MYPN: variants seen among roughly 807,000 people sequenced by gnomAD.
MYPN encodes sarcomeric protein myopalladin, 145 kDa (MYOP).
MYPN carries 63 observed loss-of-function variants against 129.4 expected under a neutral mutation model. The ratio of observed to expected loss-of-function variants is 0.49; its 90% CI spans 0.40 to 0.60. The LOEUF (loss-of-function observed/expected upper bound fraction) is 0.60. MYPN is among the 20% of genes least tolerant of loss of function. The pLI is 0.00. For missense variants in MYPN, 1,596 were observed against 1,635.4 expected (o/e 0.98, Z 0.42); for synonymous variants, 629 against 600.9 (o/e 1.05, Z -0.68).
intron 7 of MYPN, among the ~76,000 whole-genome samples, chr10:68,161,023 G>T (rs955387320): frequency 3.9e-5 from 6 of 152,174 alleles, no homozygotes. Flanking sequence ...GGATATCAGA[G>T]CCCAAAGCCA....
chr10:68,129,135 T>C (rs1463363272), intron 2 of MYPN, among the ~76,000 whole-genome samples: 1 of 152,036 alleles, frequency 6.6e-6, no homozygotes, highest in Non-Finnish European at 1.5e-5. Flanking sequence ...ACAGGCAAAT[T>C]CACAGGCCAC....
chr10:68,154,666 A>C (rs1233817037), intron 6 of MYPN, among the ~76,000 whole-genome samples: 1 of 152,244 alleles, frequency 6.6e-6, no homozygotes, highest in Non-Finnish European at 1.5e-5. Flanking sequence ...CCAAGGTGCA[A>C]AATTATCAAC....
At chr10:68,088,858 A>G (rs1159306249) in intron 1 of MYPN, among the ~76,000 whole-genome samples, 2 of 152,224 alleles carry the variant, frequency 1.3e-5, no homozygotes, top group East Asian at 3.8e-4. Context: ...AAACAATTTT[A>G]GAACATTTGT....
intron 5 of MYPN, among the ~76,000 whole-genome samples, chr10:68,149,672 C>G (rs149256457): frequency 1.3e-5 from 2 of 152,190 alleles, no homozygotes; most frequent in African/African-American, 4.8e-5. Flanking sequence ...AATTATCCAA[C>G]CCATTTAGTA....
At position 68,128,366 on chromosome 10, in the gene MYPN, T is replaced by C. The variant is rs1188212301; in HGVS notation, c.902+6026T>C. ...CTGCTATGGCTGTTAAGTTTTGTTA[T>C]TGCTGCTTCTAGACATTTGTCTACA... On this transcript the variant is annotated intron_variant, in intron 2 of 19. Transcript: ENST00000358913. 2.6e-5 allele frequency among the ~76,000 whole-genome samples: 4 copies of C among 152,236 alleles called. No homozygotes were observed. In the East Asian group the frequency reaches 5.8e-4, roughly 22 times the overall value.
At chr10:68,091,393 C>CTTTT (rs11301512) in intron 1 of MYPN, among the ~76,000 whole-genome samples, 10 of 106,756 alleles carry the variant, frequency 9.4e-5, no homozygotes, top group Non-Finnish European at 1.8e-4. Flanking sequence ...GACTACAGCC[C>CTTTT]TTTTTTTTTT....
chr10:68,180,994 A>T (rs2043305045), intron 12 of MYPN, among the ~76,000 whole-genome samples: 1 of 152,208 alleles, frequency 6.6e-6, no homozygotes, highest in African/African-American at 2.4e-5. Context: ...TTCCTTTCAT[A>T]AAGCAACTCT....
intron 8 of MYPN, among the ~76,000 whole-genome samples, chr10:68,163,534 C>T (rs776992901): frequency 2.1e-4 from 32 of 151,630 alleles, no homozygotes; most frequent in South Asian, 4.2e-4. Flanking sequence ...GAGGCTGAGG[C>T]GAGAGAATGG....
chr10:68,185,056 A>G (rs2043398742), intron 12 of MYPN, among the ~76,000 whole-genome samples: 1 of 151,776 alleles, frequency 6.6e-6, no homozygotes, highest in African/African-American at 2.4e-5. Flanking sequence ...TGTAATCCCA[A>G]CACTTTGGGA....
rs771242756 is a variant in MYPN, at chr10:68,197,495, A to G, written c.3285+17A>G. ...GACTGTAAGGTAGACTCCAGCACCCATGCTTAGTTCCAGATCTGTTCATAT... is the reference window on the plus strand; with the variant it reads ...GACTGTAAGGTAGACTCCAGCACCCGTGCTTAGTTCCAGATCTGTTCATAT... On this transcript the variant is annotated intron_variant, in intron 16 of 19. Transcript: ENST00000358913. 14 of 1,612,396 alleles carry G rather than the reference A, an allele frequency of 8.7e-6. No individual in the cohort carries two copies. The East Asian group carries it at 3.1e-4, about 36-fold the overall frequency.
chr10:68,210,075 C>T (rs1398769073), intron 19 of MYPN, among the ~76,000 whole-genome samples: 2 of 152,142 alleles, frequency 1.3e-5, no homozygotes, highest in Admixed American at 1.3e-4. Flanking sequence ...GAATTAGGGG[C>T]TTAAGATATC....
At chr10:68,148,317 G>T in intron 4 of MYPN, 36 bp from the exon 5 acceptor site, 1 of 1,466,870 alleles carries the variant, frequency 6.8e-7, no homozygotes, top group Non-Finnish European at 9.5e-7. Flanking sequence ...AGAGTGATAG[G>T]TCTATTTTAT....
chr10:68,206,788 A>G lies in MYPN; in HGVS notation c.3678A>G (p.Thr1226=), dbSNP rs2043822876. 1.2e-6 allele frequency: 2 copies of G among 1,614,190 alleles called. No homozygotes were observed. Among genetic ancestry groups the G allele is most frequent in the Non-Finnish European group, 8.5e-7 (1 of 1,180,030 alleles). The part of the protein sequence containing the change: ...RERISMHQDT[T]GYACLLIQPA... ...TCTCCAGTATGCACCAGGACACAAC[A>G]GGGTATGCCTGCCTTCTCATTCAGC... is the stretch of plus-strand genomic sequence containing the variant. The change falls in exon 19 of 20, where the codon ACA becomes ACG. Residue 1226 remains threonine (T), a synonymous_variant. Coordinates refer to ENST00000358913, the MANE Select transcript of MYPN (RefSeq NM_032578.4).
At chr10:68,101,016 T>C (rs192231935) in intron 1 of MYPN, among the ~76,000 whole-genome samples, 1 of 152,230 alleles carries the variant, frequency 6.6e-6, no homozygotes. Context: ...GTTGATTGAC[T>C]GAATAAGACA....
chr10:68,121,859 T>C lies in MYPN; in HGVS notation c.421T>C (p.Cys141Arg), dbSNP rs2042248173. 1 of 1,614,190 alleles carries C rather than the reference T, an allele frequency of 6.2e-7. No individual in the cohort carries two copies. The highest frequency in any genetic ancestry group is 8.5e-7 in the Non-Finnish European group (1 of 1,180,026). ...CCAGGAGGCAAAAAGGCCACAGTAT[T>C]GTTCTGAAACCCAGTCCAAAAAAGT... ...SPQEAKRPQY[C>R]SETQSKKVFL... The change falls in exon 2 of 20, where the codon TGT (cysteine) becomes CGT (arginine). Residue 141 changes from cysteine to arginine, a missense_variant. By Grantham distance (180) the Cys-to-Arg change is radical. Transcript: ENST00000358913.
intron 6 of MYPN, among the ~76,000 whole-genome samples, chr10:68,157,030 C>T (rs936028250): frequency 6.6e-6 from 1 of 152,188 alleles, no homozygotes; most frequent in African/African-American, 2.4e-5. Flanking sequence ...TTTCAGCTCA[C>T]AAACCATGAT....
chr10:68,133,120 G>T (rs2042435816), intron 2 of MYPN, among the ~76,000 whole-genome samples: 1 of 146,398 alleles, frequency 6.8e-6, no homozygotes, highest in African/African-American at 2.6e-5. Flanking sequence ...CCACCTTCTT[G>T]GTTCAAGCAA....
chr10:68,205,397 G>T (rs1229094691), intron 18 of MYPN, among the ~76,000 whole-genome samples: 1 of 151,752 alleles, frequency 6.6e-6, no homozygotes, highest in Non-Finnish European at 1.5e-5. Flanking sequence ...GAATTTCTTT[G>T]GCCAGGTGTG....
chr10:68,120,154 A>G (rs528794121), intron 1 of MYPN, among the ~76,000 whole-genome samples: 2 of 152,240 alleles, frequency 1.3e-5, no homozygotes, highest in East Asian at 3.9e-4. Context: ...GAGTGTTAGG[A>G]AAGTCAAGGT....
Sources: gnomAD v4.1 joint callset for allele counts (sites outside exome capture counted in the v4.1 genomes callset) on GRCh38, gnomAD v4.1.1 for gene constraint, MANE v1.5 for transcripts, NCBI Gene and HGNC (gene_info 2026-07-23, HGNC 2026-07-21) for gene names.